HDAC9: variants seen among roughly 807,000 people sequenced by gnomAD.
HDAC9 encodes MEF-2 interacting transcription repressor (MITR) protein.
Under a neutral mutation model 139.4 loss-of-function variants are expected in HDAC9, and 41 were observed. The ratio of observed to expected loss-of-function variants is 0.29; its 90% CI spans 0.23 to 0.38. HDAC9 has a LOEUF of 0.38. HDAC9 is among the 10% of genes least tolerant of loss of function. HDAC9 has a pLI of 1.00. For synonymous variants in HDAC9, 517 were observed against 476.2 expected, an observed-to-expected ratio of 1.09 and a Z score of -1.12; for missense variants, 1,147 against 1,297.0, an observed-to-expected ratio of 0.88 and a Z score of 1.78.
chr7:18,633,504 C>A (rs1289939385), intron 7 of HDAC9, among the ~76,000 whole-genome samples: 2 of 151,778 alleles, frequency 1.3e-5, no homozygotes, highest in African/African-American at 4.8e-5. Flanking sequence ...ATGGGTAAGA[C>A]TAAATGTGTG....
chr7:18,276,333 T>C (rs1429534923), intron 2 of HDAC9, among the ~76,000 whole-genome samples: 2 of 152,188 alleles, frequency 1.3e-5, no homozygotes, highest in Non-Finnish European at 2.9e-5. Flanking sequence ...ATTGATACAG[T>C]ATTTCCTTTA....
At chr7:18,199,368 A>G (rs1790943483) in intron 2 of HDAC9, among the ~76,000 whole-genome samples, 1 of 152,210 alleles carries the variant, frequency 6.6e-6, no homozygotes, top group Non-Finnish European at 1.5e-5. Context: ...TTATATTTAT[A>G]TAGAAGGCAT....
chr7:18,283,260 G>C (rs1191900241), intron 2 of HDAC9, among the ~76,000 whole-genome samples: 1 of 152,048 alleles, frequency 6.6e-6, no homozygotes, highest in African/African-American at 2.4e-5. Context: ...GGGAGCAAAG[G>C]GGGAAGTGCC....
At chr7:18,745,869 T>C (rs1243875895) in intron 13 of HDAC9, among the ~76,000 whole-genome samples, 2 of 148,858 alleles carry the variant, frequency 1.3e-5, no homozygotes, top group Non-Finnish European at 3.0e-5. Flanking sequence ...TTGAAGAATA[T>C]ATTTCTTCTT....
intron 2 of HDAC9, among the ~76,000 whole-genome samples, chr7:18,195,098 G>A (rs1358523517): frequency 2.0e-5 from 3 of 152,076 alleles, no homozygotes; most frequent in African/African-American, 7.2e-5. Flanking sequence ...GAAGTATGGG[G>A]AACTGAAAAC....
chr7:18,645,233 C>T (rs888596386), intron 9 of HDAC9, among the ~76,000 whole-genome samples: 13 of 152,066 alleles, frequency 8.5e-5, no homozygotes, highest in Non-Finnish European at 7.4e-5. Flanking sequence ...GCTTCGAAAG[C>T]ACAGCAGCAT....
At chr7:18,307,098 TGTGTGTGTGTG>T (rs1243332856) in intron 1 of HDAC9, among the ~76,000 whole-genome samples, 1 of 6,168 alleles carries the variant, frequency 1.6e-4, no homozygotes. Flanking sequence ...GGGCAGTTCT[TGTGTGTGTGTG>T]TGTGTGTGTG....
chr7:18,151,998 C>G lies in HDAC9; in HGVS notation c.-96-10231C>G, dbSNP rs1671219339. ...CACCCATGCATGTTTGAATAAATTT[C>G]AGTCTCCTAAAGCTGTGCACCAGCT... On this transcript the variant is annotated intron_variant, in intron 1 of 12. Transcript: ENST00000417496. 2.0e-5 allele frequency: 3 copies of G among 152,162 alleles called. No individual in the cohort carries two copies. In the South Asian group the frequency reaches 6.2e-4, roughly 32 times the overall value. 9.4% of individuals were successfully genotyped at this position (152,162 alleles called of 1,614,324 possible).
chr7:18,301,006 G>T (rs1798503956), intron 1 of HDAC9, among the ~76,000 whole-genome samples: 1 of 152,130 alleles, frequency 6.6e-6, no homozygotes, highest in African/African-American at 2.4e-5. Flanking sequence ...TTGAGTTAAA[G>T]AAATTAATTT....
At chr7:18,428,845 G>C (rs933756252) in intron 1 of HDAC9, among the ~76,000 whole-genome samples, 3 of 152,084 alleles carry the variant, frequency 2.0e-5, no homozygotes, top group Non-Finnish European at 4.4e-5. Context: ...TTCCTACCAT[G>C]CTGGCCTTGC....
intron 22 of HDAC9, among the ~76,000 whole-genome samples, chr7:18,885,156 T>C (rs1800041645): frequency 6.6e-6 from 1 of 152,200 alleles, no homozygotes; most frequent in Non-Finnish European, 1.5e-5. Flanking sequence ...AATGTGGTCG[T>C]AAGGGTGAAA....
chr7:18,721,981 G>T (rs991523412), intron 12 of HDAC9, among the ~76,000 whole-genome samples: 2 of 152,156 alleles, frequency 1.3e-5, no homozygotes, highest in Non-Finnish European at 2.9e-5. Flanking sequence ...GGCCACAAAG[G>T]CATTGATGTT....
intron 2 of HDAC9, chr7:18,162,732 C>G (rs988809015): frequency 5.8e-6 from 1 of 173,074 alleles, no homozygotes; most frequent in East Asian, 1.8e-4. Context: ...CTTTGGAAGT[C>G]AGTTTGTGGA....
chr7:18,358,574 A>G (rs571123531), intron 1 of HDAC9, among the ~76,000 whole-genome samples: 3 of 152,338 alleles, frequency 2.0e-5, no homozygotes, highest in Non-Finnish European at 2.9e-5. Context: ...TTTGGAAAAA[A>G]TTGAAATATG....
intron 12 of HDAC9, among the ~76,000 whole-genome samples, chr7:18,679,810 T>A (rs1781773469): frequency 6.6e-6 from 1 of 151,926 alleles, no homozygotes; most frequent in Non-Finnish European, 1.5e-5. Context: ...ATTTTAAAAA[T>A]TATTATTTAC....
intron 2 of HDAC9, among the ~76,000 whole-genome samples, chr7:18,538,224 G>C (rs555283906): frequency 1.3e-5 from 2 of 152,280 alleles, no homozygotes; most frequent in South Asian, 4.1e-4. Flanking sequence ...TCCTAGACTT[G>C]ATGATGTTTA....
At chr7:18,164,984 C>A (rs944043667) in intron 2 of HDAC9, among the ~76,000 whole-genome samples, 3 of 152,168 alleles carry the variant, frequency 2.0e-5, no homozygotes, top group African/African-American at 7.2e-5. Flanking sequence ...AACATAGTTT[C>A]TATCCTTAGG....
At chr7:18,935,779 C>A in intron 22 of HDAC9, 30 bp from the exon 23 acceptor site, 1 of 1,600,656 alleles carries the variant, frequency 6.2e-7, no homozygotes. Context: ...TGATTTAATA[C>A]TTTGAAATGT....
intron 1 of HDAC9, among the ~76,000 whole-genome samples, chr7:18,362,935 G>A (rs1335335769): frequency 1.3e-5 from 2 of 152,034 alleles, no homozygotes; most frequent in Non-Finnish European, 2.9e-5. Flanking sequence ...TGAATTTATG[G>A]TAGAACAAAA....
Sources: gnomAD v4.1 joint callset for allele counts (sites outside exome capture counted in the v4.1 genomes callset) on GRCh38, gnomAD v4.1.1 for gene constraint, MANE v1.5 for transcripts, NCBI Gene and HGNC (gene_info 2026-07-23, HGNC 2026-07-21) for gene names.